ELMO1: variants seen among roughly 807,000 people sequenced by gnomAD.
ELMO1 encodes the protein engulfment and cell motility 1.
A neutral mutation model predicts 98.9 loss-of-function variants in ELMO1; 26 were observed. The ratio of observed to expected loss-of-function variants is 0.26; its 90% CI spans 0.19 to 0.36. The LOEUF is 0.36. ELMO1 is among the 10% of genes least tolerant of loss of function. ELMO1 has a pLI of 1.00. For missense variants in ELMO1, 627 were observed against 935.2 expected (o/e 0.67, Z 4.30); for synonymous variants, 346 against 346.0 (o/e 1.00, Z 0.00).
chr7:37,369,481 G>T (rs2723970), intron 1 of ELMO1, among the ~76,000 whole-genome samples: 152,257 of 152,258 alleles, frequency 1, 76,128 homozygotes, highest in Non-Finnish European at 1. Context: ...TAAGTGGCAT[G>T]GGGACAATGT....
At chr7:37,110,344 A>G (rs2129275635) in intron 14 of ELMO1, among the ~76,000 whole-genome samples, 1 of 152,270 alleles carries the variant, frequency 6.6e-6, no homozygotes, top group African/African-American at 2.4e-5. Flanking sequence ...TCTCAGCTTC[A>G]TCTCCAGGTC....
At chr7:37,115,823 T>C (rs939987283) in intron 14 of ELMO1, among the ~76,000 whole-genome samples, 7 of 151,364 alleles carry the variant, frequency 4.6e-5, no homozygotes, top group East Asian at 1.9e-4. Flanking sequence ...GGGGACATGA[T>C]TGTCTATGTA....
chr7:36,941,206 A>G (rs944935272), intron 16 of ELMO1, among the ~76,000 whole-genome samples: 3 of 152,266 alleles, frequency 2.0e-5, no homozygotes, highest in Admixed American at 2.0e-4. Context: ...TAGTGCTCGA[A>G]TCAATCACCT....
At chr7:37,080,714 G>C (rs766381103) in intron 15 of ELMO1, among the ~76,000 whole-genome samples, 3 of 146,568 alleles carry the variant, frequency 2.0e-5, no homozygotes, top group Non-Finnish European at 4.4e-5. Context: ...CCTTCTCAAA[G>C]TGCTGGAATT....
rs1784421482 is a variant in ELMO1, at chr7:36,912,703, G to C, written c.1438-17686C>G. 2.0e-5 allele frequency among the ~76,000 whole-genome samples: 3 copies of C among 152,102 alleles called. No homozygotes were observed. The South Asian group carries it at 6.2e-4, about 32-fold the overall frequency. ...TTTTGTAAGGCATTTTAGTGATATA[G>C]AGTGGAAATAGCATGAGTATTGGAA... On this transcript the variant is annotated intron_variant, in intron 16 of 21. Transcript: ENST00000310758.
intron 1 of ELMO1, among the ~76,000 whole-genome samples, chr7:37,376,891 G>A (rs914398161): frequency 6.6e-6 from 1 of 152,194 alleles, no homozygotes; most frequent in African/African-American, 2.4e-5. Context: ...AGATTAAAAA[G>A]TTGCAAGAAA....
chr7:37,410,968 T>C (rs1187875713), intron 1 of ELMO1, among the ~76,000 whole-genome samples: 1 of 152,248 alleles, frequency 6.6e-6, no homozygotes, highest in African/African-American at 2.4e-5. Context: ...GAATTAATGT[T>C]TACTGCACAC....
chr7:36,855,490 T>A lies in ELMO1; in HGVS notation c.*61A>T. 1 of 1,603,534 alleles carries A rather than the reference T, an allele frequency of 6.2e-7. No individual in the cohort carries two copies. Among genetic ancestry groups the A allele is most frequent in the South Asian group, 1.1e-5 (1 of 90,652 alleles). ...TTCCAAGGCGTGGGTGTGTTTTCAT[T>A]CCTCTCTCCTGTTAGCTAGGTGTTC... is the stretch of plus-strand genomic sequence containing the variant. On this transcript the variant is annotated 3_prime_UTR_variant, in exon 22 of 22. Transcript: ENST00000310758. This position sits in a 1 kb window ranked among gnomAD's most constrained non-coding sequence, Gnocchi z 4.2.
intron 1 of ELMO1, chr7:37,353,655 T>C (rs1345967048): frequency 1.3e-5 from 2 of 152,088 alleles, no homozygotes; most frequent in African/African-American, 4.8e-5. Context: ...CTGGCTCAGG[T>C]GACCTGCGTT....
intron 18 of ELMO1, 123 bp from the exon 19 acceptor site, chr7:36,878,240 GA>G (rs1281460258): frequency 1.4e-6 from 1 of 720,802 alleles, no homozygotes; most frequent in African/African-American, 1.8e-5. Flanking sequence ...AAGTCTTGAG[GA>G]AGAATGAATT....
chr7:37,406,466 G>C (rs1803769074), intron 1 of ELMO1, among the ~76,000 whole-genome samples: 1 of 151,800 alleles, frequency 6.6e-6, no homozygotes, highest in South Asian at 2.1e-4. Flanking sequence ...GTCTTGCTCT[G>C]TCACCCAGGC....
At chr7:37,212,036 A>G (rs1277323843) in intron 12 of ELMO1, among the ~76,000 whole-genome samples, 2 of 152,230 alleles carry the variant, frequency 1.3e-5, no homozygotes, top group Non-Finnish European at 2.9e-5. Context: ...ACAATGGGAT[A>G]CTATCCAGGC....
At chr7:37,304,648 G>A (rs893357467) in intron 4 of ELMO1, among the ~76,000 whole-genome samples, 5 of 152,142 alleles carry the variant, frequency 3.3e-5, no homozygotes, top group Admixed American at 3.3e-4. Context: ...CCCGGGAGGT[G>A]GAGGTTGCAG....
At chr7:37,349,575 T>C (rs1801165105) in intron 1 of ELMO1, among the ~76,000 whole-genome samples, 2 of 152,184 alleles carry the variant, frequency 1.3e-5, no homozygotes. Context: ...TGCCTCAGCC[T>C]CCCGAGTAGT....
intron 15 of ELMO1, among the ~76,000 whole-genome samples, chr7:37,063,922 T>C (rs962858230): frequency 2.0e-5 from 3 of 152,160 alleles, no homozygotes; most frequent in Non-Finnish European, 4.4e-5. Flanking sequence ...CTTTCTCCCA[T>C]GCAGATTCCA....
At chr7:37,193,008 T>TATATATATACAC (rs1184401217) in intron 13 of ELMO1, among the ~76,000 whole-genome samples, 2 of 125,100 alleles carry the variant, frequency 1.6e-5, no homozygotes, top group African/African-American at 6.5e-5. Context: ...TATATATATA[T>TATATATATACAC]ACACACACAC....
At chr7:36,971,774 C>T (rs1789977015) in intron 16 of ELMO1, among the ~76,000 whole-genome samples, 1 of 152,122 alleles carries the variant, frequency 6.6e-6, no homozygotes. Flanking sequence ...ACTGATGAAA[C>T]CTAACTGCCA....
At chr7:37,257,506 C>T (rs571267662) in intron 6 of ELMO1, among the ~76,000 whole-genome samples, 139 of 151,684 alleles carry the variant, frequency 9.2e-4, no homozygotes, top group Non-Finnish European at 3.2e-4. Flanking sequence ...GGGCAGATCA[C>T]GAGGTCAAGA....
Position 37,271,886 on chromosome 7 carries a change from G to A in ELMO1, c.193-4C>T, listed in dbSNP as rs764368457. ...CATTTTTTATCTCATTGCGGTTCTG[G>A]AAAAGAAGAAAAAATCTTTGTAAAT... On this transcript the variant is annotated splice_polypyrimidine_tract_variant and splice_region_variant and intron_variant, in intron 4 of 21. Coordinates refer to ENST00000310758, the MANE Select transcript of ELMO1 (RefSeq NM_014800.11). 34 of 1,613,000 alleles carry A rather than the reference G, an allele frequency of 2.1e-5. No homozygotes were observed. Among genetic ancestry groups the A allele is most frequent in the Non-Finnish European group, 2.9e-5 (34 of 1,179,660 alleles).
Sources: gnomAD v4.1 joint callset for allele counts (sites outside exome capture counted in the v4.1 genomes callset) on GRCh38, gnomAD v4.1.1 for gene constraint, Gnocchi (gnomAD v3.1) non-coding constraint, MANE v1.5 for transcripts, NCBI Gene and HGNC (gene_info 2026-07-23, HGNC 2026-07-21) for gene names.